NT5DC3: variants seen among roughly 807,000 people sequenced by gnomAD.
NT5DC3 encodes 5'-nucleotidase domain containing 3.
Under a neutral mutation model 67.8 loss-of-function variants are expected in NT5DC3, and 42 were observed. The observed-to-expected ratio is 0.62, with a 90% CI of 0.48 to 0.80. The LOEUF (loss-of-function observed/expected upper bound fraction) is 0.80, where lower values mean the gene tolerates loss of function less well. NT5DC3 is among the 30% of genes least tolerant of loss of function. The pLI is 0.00. For synonymous variants in NT5DC3, 237 were observed against 255.6 expected (o/e 0.93, Z 0.69); for missense variants, 570 against 696.4 (o/e 0.82, Z 2.04).
chr12:103,762,773 C>G, the NT5DC3 span, among the ~76,000 whole-genome samples: 1 of 152,250 alleles, frequency 6.6e-6, no homozygotes, highest in East Asian at 1.9e-4. Flanking sequence ...GGCTTCAAGA[C>G]CGGCTCTGAG....
At chr12:103,814,842 T>C in intron 2 of NT5DC3, 95 bp downstream of exon 2, 6 of 817,258 alleles carry the variant, frequency 7.3e-6, no homozygotes, top group Non-Finnish European at 9.1e-6. Context: ...ATTTATTAAA[T>C]GACTTCTCTG....
chr12:103,811,352 T>C (rs1004522680), intron 2 of NT5DC3, among the ~76,000 whole-genome samples: 1 of 151,572 alleles, frequency 6.6e-6, no homozygotes, highest in African/African-American at 2.4e-5. Flanking sequence ...AAGGCAGAAG[T>C]AGGAAAGGGT....
chr12:103,835,967 A>G (rs1404168072), intron 1 of NT5DC3, among the ~76,000 whole-genome samples: 1 of 152,212 alleles, frequency 6.6e-6, no homozygotes, highest in Non-Finnish European at 1.5e-5. Context: ...GCAGCAACAG[A>G]AAAATGAAGC....
At position 103,814,960 on chromosome 12, in the gene NT5DC3, C is replaced by T; in HGVS notation, c.370G>A (p.Asp124Asn). Residue 124 changes from aspartate (D) to asparagine (N), a missense_variant, in exon 2 of 14, where the codon GAC becomes AAC. By Grantham distance (23) the Asp-to-Asn change is conservative (BLOSUM62 1). Transcript: ENST00000392876. The stretch of plus-strand genomic sequence containing the variant: ...ACCCGGTGTTCATTGATGAGAAGGT[C>T]CCGTGCAGCATTAAATATCAGCGTG... ...LHTLIFNAAR[D>N]LLINEHRYPA... is the part of the protein sequence containing the mutation. The T allele has an allele frequency of 3.1e-6, 5 of 1,611,182 alleles. No individual in the cohort carries two copies. The highest frequency in any genetic ancestry group is 2.2e-5 in the South Asian group (2 of 90,364).
the NT5DC3 span, among the ~76,000 whole-genome samples, chr12:103,760,288 T>C: frequency 5.9e-5 from 9 of 152,168 alleles, no homozygotes; most frequent in Non-Finnish European, 7.3e-5. Flanking sequence ...TTAGACAGTC[T>C]CTCGCTCTGT....
At chr12:103,759,244 A>G in the NT5DC3 span, 1 of 1,614,156 alleles carries the variant, frequency 6.2e-7, no homozygotes, top group Non-Finnish European at 8.5e-7. Context: ...CAAGCTGCTC[A>G]TCACTGCCAG....
Position 103,785,350 on chromosome 12 carries a change from T to A in NT5DC3, c.1314A>T (p.Leu438Phe). The change falls in exon 12 of 14, where the codon TTA (leucine) becomes TTT (phenylalanine). Residue 438 changes from leucine to phenylalanine, a missense_variant. Transcript: ENST00000392876. ...TMTWLQTLTGLLEQMQVHRDA... is the reference protein window; with the variant it reads ...TMTWLQTLTGFLEQMQVHRDA... ...ATATCCAAACCTGCATCTGTTCCAA[T>A]AAGCCAGTCAAGGTCTGCAGCCAGG... 2 of 1,614,138 alleles carry A rather than the reference T, an allele frequency of 1.2e-6. No homozygotes were observed. The highest frequency in any genetic ancestry group is 1.7e-6 in the Non-Finnish European group (2 of 1,179,996).
At chr12:103,832,428 C>T (rs78345851) in intron 1 of NT5DC3, among the ~76,000 whole-genome samples, 15,444 of 151,946 alleles carry the variant, frequency 0.1, 1,100 homozygotes, top group East Asian at 0.28. Context: ...CAGGTGATTC[C>T]GATGTGCCTA....
the NT5DC3 span, among the ~76,000 whole-genome samples, chr12:103,753,852 T>C: frequency 6.6e-6 from 1 of 151,742 alleles, no homozygotes; most frequent in Admixed American, 6.6e-5. Context: ...CACAAAACAG[T>C]GGAGTTTCCC....
intron 4 of NT5DC3, 84 bp downstream of exon 4, chr12:103,806,238 T>C: frequency 1.2e-6 from 1 of 835,226 alleles, no homozygotes; most frequent in Non-Finnish European, 2.1e-6. Context: ...GCAGCCCTCT[T>C]CATCATTAAA....
intron 1 of NT5DC3, among the ~76,000 whole-genome samples, chr12:103,830,922 T>C (rs1887898630): frequency 6.6e-6 from 1 of 152,222 alleles, no homozygotes; most frequent in African/African-American, 2.4e-5. Context: ...TGGTGGCTTA[T>C]TTGTGTATTT....
At chr12:103,817,560 A>C (rs1222005909) in intron 1 of NT5DC3, among the ~76,000 whole-genome samples, 1 of 152,234 alleles carries the variant, frequency 6.6e-6, no homozygotes, top group Non-Finnish European at 1.5e-5. Context: ...TTTATTAAGC[A>C]CTTACCATGT....
At chr12:103,757,028 T>TATATATATAA in the NT5DC3 span, among the ~76,000 whole-genome samples, 1 of 143,492 alleles carries the variant, frequency 7.0e-6, no homozygotes, top group East Asian at 2.0e-4. Flanking sequence ...TATATATATA[T>TATATATATAA]ATAAAATATA....
At chr12:103,755,536 C>A in the NT5DC3 span, 3 of 1,608,146 alleles carry the variant, frequency 1.9e-6, no homozygotes, top group South Asian at 3.3e-5. Flanking sequence ...CCTGGCCAGT[C>A]ACTCCCCAAG....
intron 1 of NT5DC3, among the ~76,000 whole-genome samples, chr12:103,822,373 T>G (rs188406021): frequency 6.6e-6 from 1 of 152,204 alleles, no homozygotes; most frequent in Non-Finnish European, 1.5e-5. Flanking sequence ...TAAAAATCCA[T>G]ACAAAAGGAA....
chr12:103,825,626 T>TA (rs989911850), intron 1 of NT5DC3, among the ~76,000 whole-genome samples: 1 of 151,466 alleles, frequency 6.6e-6, no homozygotes, highest in African/African-American at 2.4e-5. Context: ...ACTCTGTCTC[T>TA]AAAAAAAAAT....
chr12:103,841,211 C>T lies in NT5DC3; in HGVS notation c.-55G>A, dbSNP rs922167847. On this transcript the variant is annotated 5_prime_UTR_variant, in exon 1 of 14. Transcript: ENST00000392876. ...GCGCCGCTCTGCGACTGCTGCTGCC[C>T]GGCCCAAGATCTACCCGCGCTCTGC... 4 of 551,482 alleles carry T rather than the reference C, an allele frequency of 7.3e-6. No individual in the cohort carries two copies. Among genetic ancestry groups the T allele is most frequent in the Admixed American group, 3.3e-5 (1 of 30,534 alleles). The allele number at this position is 551,482 out of a possible 1,614,324, so 34.2% of individuals were successfully genotyped here.
chr12:103,760,197 A>G, the NT5DC3 span, among the ~76,000 whole-genome samples: 1 of 152,190 alleles, frequency 6.6e-6, no homozygotes, highest in African/African-American at 2.4e-5. Context: ...CCTTCCTGCA[A>G]CTGCCGTTTC....
chr12:103,810,314 C>A (rs1276006233), intron 2 of NT5DC3, among the ~76,000 whole-genome samples: 1 of 152,200 alleles, frequency 6.6e-6, no homozygotes, highest in Non-Finnish European at 1.5e-5. Context: ...ATTTCCAACA[C>A]ACACACACAC....
Sources: allele counts gnomAD v4.1 joint callset (sites outside exome capture counted in the v4.1 genomes callset), GRCh38; gene constraint gnomAD v4.1.1; transcripts MANE v1.5; gene names NCBI Gene and HGNC (gene_info 2026-07-23, HGNC 2026-07-21).